Variants in ACTR3C observed in about 807,000 individuals in gnomAD.
ACTR3C encodes actin-related protein 3C.
A neutral mutation model predicts 26.3 loss-of-function variants in ACTR3C; 18 were observed. The ratio of observed to expected loss-of-function variants is 0.68; its 90% CI spans 0.47 to 1.01. The LOEUF is 1.01. Ranked by LOEUF, ACTR3C falls within the 50% of genes least tolerant of loss-of-function variation. ACTR3C has a pLI of 0.00. For missense variants in ACTR3C, 184 were observed against 250.7 expected (o/e 0.73, Z 1.80); for synonymous variants, 55 against 94.5 (o/e 0.58, Z 2.42).
the ACTR3C span, among the ~76,000 whole-genome samples, chr7:149,975,375 T>C: frequency 1.3e-5 from 2 of 151,920 alleles, no homozygotes; most frequent in Non-Finnish European, 2.9e-5. Context: ...CCACACAACA[T>C]AGCAGAACTT....
chr7:150,264,333 G>A (rs978050808), intron 6 of ACTR3C, among the ~76,000 whole-genome samples: 4 of 152,232 alleles, frequency 2.6e-5, no homozygotes, highest in African/African-American at 9.6e-5. Flanking sequence ...GCCACAGACA[G>A]TGAACTTTAA....
At chr7:150,132,205 G>C in the ACTR3C span, among the ~76,000 whole-genome samples, 1 of 152,180 alleles carries the variant, frequency 6.6e-6, no homozygotes, top group African/African-American at 2.4e-5. Context: ...TCAGGAGCTA[G>C]GGGACAGGGT....
intron 6 of ACTR3C, among the ~76,000 whole-genome samples, chr7:150,272,271 C>G (rs1213647612): frequency 7.2e-6 from 1 of 139,308 alleles, no homozygotes; most frequent in Non-Finnish European, 1.5e-5. Flanking sequence ...AGACGTCCCC[C>G]GAGCAGCTGA....
At chr7:150,038,396 G>T in the ACTR3C span, among the ~76,000 whole-genome samples, 4 of 141,800 alleles carry the variant, frequency 2.8e-5, 1 homozygote, top group African/African-American at 1.1e-4. Context: ...CGGGTGGGCT[G>T]CCAGAAGATT....
At chr7:150,134,612 C>T in the ACTR3C span, among the ~76,000 whole-genome samples, 1 of 152,274 alleles carries the variant, frequency 6.6e-6, no homozygotes, top group Non-Finnish European at 1.5e-5. Flanking sequence ...AATCAGCTCA[C>T]AATGTGAAAG....
chr7:150,039,698 G>GC, the ACTR3C span, among the ~76,000 whole-genome samples: 5 of 133,458 alleles, frequency 3.7e-5, no homozygotes, highest in Admixed American at 7.6e-5. Flanking sequence ...TCCTAAGCCG[G>GC]GGGGGAAGAG....
the ACTR3C span, among the ~76,000 whole-genome samples, chr7:150,107,452 C>T: frequency 6.6e-6 from 1 of 151,978 alleles, no homozygotes; most frequent in Non-Finnish European, 1.5e-5. Flanking sequence ...ATTGCATCAG[C>T]ACTCTTGAAA....
chr7:150,134,166 C>T, the ACTR3C span, among the ~76,000 whole-genome samples: 1 of 151,536 alleles, frequency 6.6e-6, no homozygotes, highest in Non-Finnish European at 1.5e-5. Flanking sequence ...TGTAACAAAC[C>T]TGCACGTTGT....
downstream of ACTR3C, chr7:150,246,327 G>T (rs1210451999): frequency 2.0e-5 from 3 of 152,214 alleles, no homozygotes; most frequent in African/African-American, 7.2e-5. Flanking sequence ...TAGCCATGGA[G>T]GACCAGGGAA....
the ACTR3C span, among the ~76,000 whole-genome samples, chr7:150,093,267 G>C: frequency 6.6e-6 from 1 of 151,166 alleles, no homozygotes; most frequent in Admixed American, 6.6e-5. Context: ...CAGCTTCTCA[G>C]GGGTGAGACC....
intron 1 of ACTR3C, among the ~76,000 whole-genome samples, chr7:150,314,580 G>A (rs1796646359): frequency 6.6e-6 from 1 of 152,044 alleles, no homozygotes; most frequent in Non-Finnish European, 1.5e-5. Context: ...TCTTTGAGGT[G>A]TTTTTTGTGG....
At chr7:150,252,731 G>A (rs58785741) in intron 6 of ACTR3C, among the ~76,000 whole-genome samples, 4,406 of 150,324 alleles carry the variant, frequency 0.029, 201 homozygotes, top group African/African-American at 0.1. Context: ...TTTATTTGAA[G>A]TACCTTTCTA....
chr7:150,248,265 G>T (rs558916522), intron 7 of ACTR3C: 4 of 152,082 alleles, frequency 2.6e-5, no homozygotes, highest in Non-Finnish European at 4.4e-5. Flanking sequence ...AGTGGTCCGC[G>T]TTCTGCTCTC....
intron 6 of ACTR3C, among the ~76,000 whole-genome samples, chr7:150,261,666 C>T (rs1325497929): frequency 2.6e-5 from 4 of 152,048 alleles, no homozygotes; most frequent in African/African-American, 7.3e-5. Context: ...CACGCCATTA[C>T]ACTCCAGCCT....
At chr7:150,191,534 A>C in the ACTR3C span, among the ~76,000 whole-genome samples, 62 of 152,350 alleles carry the variant, frequency 4.1e-4, no homozygotes, top group Non-Finnish European at 1.5e-5. Context: ...ACATAGAAAA[A>C]CAATTAATTT....
chr7:150,003,875 T>C, the ACTR3C span, among the ~76,000 whole-genome samples: 3 of 150,758 alleles, frequency 2.0e-5, no homozygotes, highest in African/African-American at 7.3e-5. Context: ...TGTGATGTGG[T>C]ATGTTATGGG....
the ACTR3C span, among the ~76,000 whole-genome samples, chr7:149,963,708 G>C: frequency 3.3e-5 from 5 of 152,202 alleles, no homozygotes; most frequent in African/African-American, 1.2e-4. Context: ...AGGGTGACAC[G>C]GAGCAGCTGG....
chr7:150,078,123 C>T, the ACTR3C span, among the ~76,000 whole-genome samples: 4 of 152,198 alleles, frequency 2.6e-5, no homozygotes, highest in African/African-American at 9.6e-5. Flanking sequence ...GCCTAGAACT[C>T]TTTTCTTCTA....
At chr7:150,290,191 TG>T (rs1402765805) in intron 3 of ACTR3C, among the ~76,000 whole-genome samples, 1 of 151,954 alleles carries the variant, frequency 6.6e-6, no homozygotes, top group Non-Finnish European at 1.5e-5. Context: ...CACACAGCAC[TG>T]GTTTTGGGGG....
Sources: gnomAD v4.1 joint callset for allele counts (sites outside exome capture counted in the v4.1 genomes callset) on GRCh38, gnomAD v4.1.1 for gene constraint, MANE v1.5 for transcripts, NCBI Gene and HGNC (gene_info 2026-07-23, HGNC 2026-07-21) for gene names.